CIMIP1: variants seen among roughly 807,000 people sequenced by gnomAD.
The protein encoded by CIMIP1 is low in lung cancer 1.
At chr20:58,155,040 A>C in the CIMIP1 span, among the ~76,000 whole-genome samples, 2 of 152,218 alleles carry the variant, frequency 1.3e-5, no homozygotes, top group Admixed American at 6.5e-5. Context: ...TCCTGAGCTC[A>C]AGCAATCCTC....
the CIMIP1 span, chr20:58,151,140 C>A: frequency 9.3e-7 from 1 of 1,070,402 alleles, no homozygotes; most frequent in Non-Finnish European, 1.4e-6. Flanking sequence ...GACCACTAAA[C>A]TCGAGGGGCA....
the CIMIP1 span, among the ~76,000 whole-genome samples, chr20:58,156,973 CAATGAATG>C: frequency 6.6e-6 from 1 of 151,930 alleles, no homozygotes; most frequent in African/African-American, 2.4e-5. Flanking sequence ...CTGTGAGCCC[CAATGAATG>C]AATGAATGAA....
chr20:58,153,897 A>G, the CIMIP1 span, among the ~76,000 whole-genome samples: 1 of 152,198 alleles, frequency 6.6e-6, no homozygotes, highest in East Asian at 1.9e-4. Flanking sequence ...CCATTTACAA[A>G]TTAGGAAATT....
the CIMIP1 span, among the ~76,000 whole-genome samples, chr20:58,158,004 C>T: frequency 1.3e-5 from 2 of 152,192 alleles, no homozygotes; most frequent in African/African-American, 4.8e-5. Flanking sequence ...ATGCTGTCCC[C>T]ACAGATCCCT....
chr20:58,153,172 A>G, the CIMIP1 span, among the ~76,000 whole-genome samples: 25 of 152,302 alleles, frequency 1.6e-4, no homozygotes, highest in African/African-American at 6.0e-4. Context: ...CTGTCTCTGC[A>G]CTTGCAGGAA....
At chr20:58,158,393 G>C in the CIMIP1 span, among the ~76,000 whole-genome samples, 1 of 152,356 alleles carries the variant, frequency 6.6e-6, no homozygotes, top group Admixed American at 6.5e-5. Context: ...GCTCAAGCCT[G>C]TGATCCCAGC....
chr20:58,156,498 G>A, the CIMIP1 span, among the ~76,000 whole-genome samples: 2 of 152,098 alleles, frequency 1.3e-5, no homozygotes, highest in Non-Finnish European at 2.9e-5. Flanking sequence ...GAGTGGAAAA[G>A]TGGGCAGGCT....
chr20:58,154,931 A>G, the CIMIP1 span, among the ~76,000 whole-genome samples: 1 of 152,196 alleles, frequency 6.6e-6, no homozygotes, highest in Non-Finnish European at 1.5e-5. Context: ...CTTGGCTCCC[A>G]AGTAGCTGGG....
chr20:58,160,401 C>T, the CIMIP1 span, among the ~76,000 whole-genome samples: 1,976 of 152,240 alleles, frequency 0.013, 38 homozygotes, highest in African/African-American at 0.043. Context: ...TGCTTTCTTA[C>T]CAAATAAAAA....
chr20:58,160,921 A>T, the CIMIP1 span: 22 of 1,351,370 alleles, frequency 1.6e-5, no homozygotes, highest in Non-Finnish European at 2.1e-5. Context: ...CCGAGGACAC[A>T]GTCCCCTGCG....
chr20:58,161,133 T>G, the CIMIP1 span: 1 of 207,696 alleles, frequency 4.8e-6, no homozygotes, highest in South Asian at 1.6e-4. Flanking sequence ...TTTAAAAATA[T>G]TTGTCTAGGT....
At chr20:58,160,375 C>A in the CIMIP1 span, among the ~76,000 whole-genome samples, 1 of 152,172 alleles carries the variant, frequency 6.6e-6, no homozygotes, top group African/African-American at 2.4e-5. Context: ...GATATTTCTG[C>A]ATCTTTTTTT....
chr20:58,160,789 A>C, the CIMIP1 span: 43 of 1,613,628 alleles, frequency 2.7e-5, 1 homozygote, highest in Middle Eastern at 9.9e-4. Context: ...CTTTTGCACG[A>C]GAGCTGTGCT....
At chr20:58,155,587 A>T in the CIMIP1 span, 3 of 1,592,052 alleles carry the variant, frequency 1.9e-6, no homozygotes, top group Non-Finnish European at 2.6e-6. Flanking sequence ...ACGTTTTTAA[A>T]TACTCATTTT....
chr20:58,155,459 C>A, the CIMIP1 span: 1 of 1,608,474 alleles, frequency 6.2e-7, no homozygotes, highest in Non-Finnish European at 8.5e-7. Flanking sequence ...TCTGGGGATT[C>A]TGTTTCAGTT....
chr20:58,152,627 CAGG>C, the CIMIP1 span, among the ~76,000 whole-genome samples: 2 of 146,288 alleles, frequency 1.4e-5, no homozygotes, highest in East Asian at 4.1e-4. Context: ...GAGGCTGAGG[CAGG>C]AGAATTGCTT....
At chr20:58,153,822 T>G in the CIMIP1 span, among the ~76,000 whole-genome samples, 1 of 152,212 alleles carries the variant, frequency 6.6e-6, no homozygotes, top group Admixed American at 6.5e-5. Context: ...TCTAGGTGCT[T>G]CGGCAGAACC....
the CIMIP1 span, among the ~76,000 whole-genome samples, chr20:58,159,872 G>A: frequency 2.0e-5 from 3 of 152,166 alleles, no homozygotes; most frequent in Non-Finnish European, 4.4e-5. Context: ...AAGGGGTTTC[G>A]TCCACCAGCA....
chr20:58,160,069 G>C, the CIMIP1 span, among the ~76,000 whole-genome samples: 1 of 152,200 alleles, frequency 6.6e-6, no homozygotes, highest in Non-Finnish European at 1.5e-5. Context: ...TCAAAAGAAG[G>C]GGAAAACCTG....
Sources: allele counts gnomAD v4.1 joint callset (sites outside exome capture counted in the v4.1 genomes callset), GRCh38; gene constraint gnomAD v4.1.1; transcripts MANE v1.5; gene names NCBI Gene and HGNC (gene_info 2026-07-23, HGNC 2026-07-21).